Variants in AMZ1 observed in about 807,000 individuals in gnomAD.
AMZ1 encodes the protein archaemetzincin-1.
Under a neutral mutation model 29.9 loss-of-function variants are expected in AMZ1, and 39 were observed. The observed-to-expected ratio is 1.30, with a 90% CI of 1.01 to 1.70. The LOEUF (loss-of-function observed/expected upper bound fraction) is 1.70, where lower values mean the gene tolerates loss of function less well. AMZ1 is among the 40% of genes most tolerant of loss of function. AMZ1 has a pLI of 0.00. For synonymous variants in AMZ1, 458 were observed against 304.0 expected, an observed-to-expected ratio of 1.51 and a Z score of -5.27; for missense variants, 1,041 against 680.6, an observed-to-expected ratio of 1.53 and a Z score of -5.89.
chr7:2,685,840 G>A (rs1214556303), upstream of AMZ1, among the ~76,000 whole-genome samples: 4 of 141,942 alleles, frequency 2.8e-5, no homozygotes, highest in Non-Finnish European at 6.0e-5. Flanking sequence ...GTGACAGAGC[G>A]AGACTCCGTC....
upstream of AMZ1, chr7:2,762,614 C>T (rs774372084): frequency 3.2e-5 from 50 of 1,539,336 alleles, no homozygotes; most frequent in South Asian, 5.1e-4. Context: ...AATCCCCTTC[C>T]GGATAAGACC....
At chr7:2,701,333 G>C (rs1037935243) in intron 2 of AMZ1, among the ~76,000 whole-genome samples, 1 of 152,228 alleles carries the variant, frequency 6.6e-6, no homozygotes, top group Non-Finnish European at 1.5e-5. Flanking sequence ...CTGTGTGACT[G>C]GCAGAGCTGG....
chr7:2,731,406 G>A lies in AMZ1; in HGVS notation n.550+21590G>A, dbSNP rs370891210. 43 of 1,612,796 alleles carry A rather than the reference G, an allele frequency of 2.7e-5. No homozygotes were observed. Among genetic ancestry groups the A allele is most frequent in the Admixed American group, 3.3e-5 (2 of 59,926 alleles). ...CCGGGAAGTGCTTCTTGATGCTCAC[G>A]GTCTTCACCTTCTCCACCAGGAGGT... On this transcript the variant is annotated intron_variant and non_coding_transcript_variant, in intron 4 of 4. Transcript: ENST00000489665. The surrounding 1 kb of genome is among the most constrained non-coding windows in gnomAD (Gnocchi z 6.0).
chr7:2,740,265 T>A (rs1173104944), intron 4 of AMZ1, among the ~76,000 whole-genome samples: 1 of 152,200 alleles, frequency 6.6e-6, no homozygotes, highest in Non-Finnish European at 1.5e-5. Flanking sequence ...AGAATTCCCA[T>A]GTGGAAGCCC....
At chr7:2,761,924 C>T (rs919955121), upstream of AMZ1, among the ~76,000 whole-genome samples, 1 of 152,162 alleles carries the variant, frequency 6.6e-6, no homozygotes, top group African/African-American at 2.4e-5. Flanking sequence ...ACGGAATGTC[C>T]AAATGTAAGG....
rs1789193838 is a variant in AMZ1, at chr7:2,717,425, T to G, written c.*4547T>G. Among the ~76,000 whole-genome samples the G allele has an allele frequency of 6.6e-6, 1 of 152,142 alleles. No individual in the cohort carries two copies. The highest frequency in any genetic ancestry group is 2.4e-5 in the African/African-American group (1 of 41,420). ...GAGACTCACGGGGGCCTGGCTGCCGTCCTGGGAGAGGCCCCGGGAACCGGC... is the reference window on the plus strand; with the variant it reads ...GAGACTCACGGGGGCCTGGCTGCCGGCCTGGGAGAGGCCCCGGGAACCGGC... On this transcript the variant is annotated 3_prime_UTR_variant, in exon 7 of 7. Coordinates refer to ENST00000683327, the MANE Select transcript of AMZ1 (RefSeq NM_001384743.1).
chr7:2,704,501 C>G (rs1583165709), intron 3 of AMZ1, among the ~76,000 whole-genome samples: 1 of 151,696 alleles, frequency 6.6e-6, no homozygotes, highest in South Asian at 2.1e-4. Flanking sequence ...AATCACAACC[C>G]CCATATATTG....
At chr7:2,701,573 G>A (rs555019335) in intron 2 of AMZ1, among the ~76,000 whole-genome samples, 8 of 152,300 alleles carry the variant, frequency 5.3e-5, no homozygotes, top group East Asian at 3.9e-4. Context: ...AGGCAGGTGC[G>A]GGGAGCGCGA....
At chr7:2,707,086 A>G (rs932610727) in intron 3 of AMZ1, among the ~76,000 whole-genome samples, 3 of 152,166 alleles carry the variant, frequency 2.0e-5, no homozygotes, top group African/African-American at 7.2e-5. Flanking sequence ...CAGCTTGACT[A>G]ACATGGTGAA....
At chr7:2,755,414 C>A (rs1275897064) in intron 4 of AMZ1, among the ~76,000 whole-genome samples, 1 of 152,158 alleles carries the variant, frequency 6.6e-6, no homozygotes, top group Non-Finnish European at 1.5e-5. Flanking sequence ...GTTTAGATCT[C>A]ATTTCTTGAG....
chr7:2,729,095 A>G (rs1789753673), intron 4 of AMZ1: 1 of 152,410 alleles, frequency 6.6e-6, no homozygotes, highest in Non-Finnish European at 1.5e-5. Context: ...TGTTTCAAAC[A>G]ACTCCCCTGC....
upstream of AMZ1, among the ~76,000 whole-genome samples, chr7:2,683,594 C>T (rs551291751): frequency 3.0e-4 from 45 of 152,178 alleles, no homozygotes; most frequent in East Asian, 7.4e-3. Context: ...CCTGCCACCA[C>T]GCCTGGCTAA....
rs141207387 is a variant in AMZ1, at chr7:2,697,587, C to T, written c.-218-2647C>T. 2.7e-3 allele frequency among the ~76,000 whole-genome samples: 413 copies of T among 152,010 alleles called. 6 individuals carry two copies. The highest frequency in any genetic ancestry group is 9.3e-3 in the African/African-American group (385 of 41,422). ...TACAGGTGCGCGTCACCATGCCCGG[C>T]TAATTTTTTGTGTTTTTAGTAGAGA... On this transcript the variant is annotated intron_variant, in intron 1 of 6. Transcript: ENST00000683327.
At position 2,709,741 on chromosome 7, in the gene AMZ1, G is replaced by C. The variant is rs781449281; in HGVS notation, c.873G>C (p.Arg291=). The change falls in exon 6 of 7, where the codon CGG becomes CGC. Residue 291 remains arginine (R), a synonymous_variant. Transcript: ENST00000683327. The stretch of plus-strand genomic sequence containing the variant: ...TCAGCCTGGACGAGGCCCTGCGGCG[G>C]CCCCTGGACCTCTGTCCCATCTGCC... ...GALSLDEALR[R]PLDLCPICLR... is the part of the protein sequence containing the mutation. 3.7e-6 allele frequency: 6 copies of C among 1,611,476 alleles called. No individual in the cohort carries two copies. In the East Asian group the frequency reaches 1.3e-4, roughly 36 times the overall value.
chr7:2,684,730 T>C (rs1239664339), upstream of AMZ1, among the ~76,000 whole-genome samples: 1 of 152,082 alleles, frequency 6.6e-6, no homozygotes, highest in Non-Finnish European at 1.5e-5. Flanking sequence ...GCTGCCTCTG[T>C]GTTTCGGGGG....
chr7:2,704,887 C>A (rs148184995), intron 3 of AMZ1, among the ~76,000 whole-genome samples: 1 of 152,092 alleles, frequency 6.6e-6, no homozygotes, highest in South Asian at 2.1e-4. Flanking sequence ...TGAGCCACTG[C>A]GCCCGGCCCA....
chr7:2,702,980 C>A (rs757515529), intron 3 of AMZ1, 91 bp downstream of exon 3: 72 of 1,420,494 alleles, frequency 5.1e-5, no homozygotes, highest in Non-Finnish European at 6.1e-5. Context: ...AGGAAGGGAA[C>A]CTTTTCTTCC....
chr7:2,699,573 C>T (rs1480122590), intron 1 of AMZ1, among the ~76,000 whole-genome samples: 3 of 151,390 alleles, frequency 2.0e-5, no homozygotes, highest in Non-Finnish European at 4.4e-5. Context: ...CAGGGACCTG[C>T]TAGGAAAGCT....
At chr7:2,759,417 C>T (rs538914267) in intron 4 of AMZ1, among the ~76,000 whole-genome samples, 1 of 152,304 alleles carries the variant, frequency 6.6e-6, no homozygotes, top group East Asian at 1.9e-4. Context: ...TGTGTTATTA[C>T]TGTTCTGTCC....
Sources: allele counts gnomAD v4.1 joint callset (sites outside exome capture counted in the v4.1 genomes callset), GRCh38; gene constraint gnomAD v4.1.1; non-coding constraint Gnocchi (gnomAD v3.1); transcripts MANE v1.5; gene names NCBI Gene and HGNC (gene_info 2026-07-23, HGNC 2026-07-21).